The following ZFP91 variants were observed in gnomAD, a reference collection of about 807,000 sequenced individuals.
ZFP91 encodes the protein ZFP91 zinc finger protein, atypical E3 ubiquitin ligase, also known as E3 ubiquitin-protein ligase ZFP91.
A neutral mutation model predicts 63.5 loss-of-function variants in ZFP91; 7 were observed. The observed-to-expected ratio is 0.11, with a 90% confidence interval of 0.06 to 0.21. ZFP91 has a LOEUF of 0.21. Ranked by LOEUF, ZFP91 falls within the 10% of genes least tolerant of loss-of-function variation. The probability of loss-of-function intolerance (pLI) is 1.00; values close to 1 mark genes in which losing one functional copy is unlikely to be tolerated. For synonymous variants in ZFP91, 330 were observed against 272.1 expected, an observed-to-expected ratio of 1.21 and a Z score of -2.10; for missense variants, 628 against 736.6, an observed-to-expected ratio of 0.85 and a Z score of 1.71.
chr11:58,612,408 A>G (rs1254166193), intron 7 of ZFP91, 80 bp downstream of exon 7: 2 of 1,423,204 alleles, frequency 1.4e-6, no homozygotes, highest in Non-Finnish European at 9.7e-7. Context: ...CTTCATGATA[A>G]TCCTGCAGGA....
At position 58,609,212 on chromosome 11, in the gene ZFP91, A is replaced by G. The variant is rs145156374; in HGVS notation, c.371-618A>G. On this transcript the variant is annotated intron_variant, in intron 2 of 10. Transcript: ENST00000316059. Reference sequence around the variant, plus strand: ...CTTCACCCTTAAAACATGACAAAATATAGGATAACAATAACAGATTTGTGT... The same window carrying G: ...CTTCACCCTTAAAACATGACAAAATGTAGGATAACAATAACAGATTTGTGT... Among the ~76,000 whole-genome samples, 10 of 152,324 alleles carry G rather than the reference A, an allele frequency of 6.6e-5. No homozygotes were observed. In the East Asian group the frequency reaches 1.5e-3, roughly 23 times the overall value.
At chr11:58,608,837 T>C (rs980905035) in intron 2 of ZFP91, among the ~76,000 whole-genome samples, 4 of 152,178 alleles carry the variant, frequency 2.6e-5, no homozygotes, top group Non-Finnish European at 5.9e-5. Flanking sequence ...ACGCCTGACC[T>C]TTTGATCTGC....
chr11:58,612,922 T>A, intron 8 of ZFP91, 82 bp downstream of exon 8: 3 of 1,214,198 alleles, frequency 2.5e-6, no homozygotes, highest in Non-Finnish European at 1.2e-6. Context: ...ATTTGTTGGC[T>A]TGTGTAGGCT....
rs754728782 is a variant in ZFP91, at chr11:58,609,955, G to A, written c.496G>A (p.Glu166Lys). Reference sequence around the variant, plus strand: ...ATCTGTTTCTCGCCATCGTGATACAGAGAACACCCGAAGCTCTCGGTCCAA... The same window carrying A: ...ATCTGTTTCTCGCCATCGTGATACAAAGAACACCCGAAGCTCTCGGTCCAA... ...RTSVSRHRDT[E>K]NTRSSRSKTG... is the part of the protein sequence containing the mutation. Residue 166 changes from glutamate to lysine, a missense_variant, in exon 3 of 11, where the codon GAG becomes AAG. Physicochemically the swap from Glu to Lys is moderately conservative, Grantham distance 56. Around this residue, in one of 3 missense-constraint regions of ZFP91, gnomAD observed 437 missense variants for 380.3 expected, o/e 1.15. Coordinates refer to ENST00000316059, the MANE Select transcript of ZFP91 (RefSeq NM_053023.5). 4.3e-6 allele frequency: 7 copies of A among 1,614,100 alleles called. No homozygotes were observed. The highest frequency in any genetic ancestry group is 5.1e-6 in the Non-Finnish European group (6 of 1,180,048).
intron 5 of ZFP91, 105 bp downstream of exon 5, chr11:58,611,159 AT>A (rs746725435): frequency 2.3e-6 from 2 of 869,078 alleles, no homozygotes; most frequent in Non-Finnish European, 1.7e-6. Context: ...TATAGAATTA[AT>A]TTTAAATGAG....
Position 58,620,754 on chromosome 11 carries a change from G to A in ZFP91, c.*3048G>A, listed in dbSNP as rs866815177. 9.8e-5 allele frequency: 15 copies of A among 152,402 alleles called. No homozygotes were observed. The highest frequency in any genetic ancestry group is 2.2e-4 in the Non-Finnish European group (15 of 67,966). 9.4% of individuals were successfully genotyped at this position (152,402 alleles called of 1,614,324 possible). On this transcript the variant is annotated 3_prime_UTR_variant, in exon 11 of 11. Transcript: ENST00000316059. ...TGAAATACCATTTTTTTCTCCTTTTGTGTTTTTCCCACTTTCCAATGTACT... is the reference window on the plus strand; with the variant it reads ...TGAAATACCATTTTTTTCTCCTTTTATGTTTTTCCCACTTTCCAATGTACT...
At chr11:58,604,880 ATTGG>A (rs1590624050) in intron 2 of ZFP91, among the ~76,000 whole-genome samples, 1 of 152,224 alleles carries the variant, frequency 6.6e-6, no homozygotes, top group East Asian at 1.9e-4. Context: ...CAGATTGTAG[ATTGG>A]TTGTATTTTT....
chr11:58,580,013 C>T (rs566133832), intron 1 of ZFP91, among the ~76,000 whole-genome samples: 1 of 152,264 alleles, frequency 6.6e-6, no homozygotes, highest in East Asian at 1.9e-4. Flanking sequence ...GAATACACAG[C>T]CCGATCATAG....
At chr11:58,595,528 A>G (rs1855382478) in intron 2 of ZFP91, among the ~76,000 whole-genome samples, 1 of 151,404 alleles carries the variant, frequency 6.6e-6, no homozygotes, top group East Asian at 1.9e-4. Flanking sequence ...ATTGTCTGCT[A>G]TCTAGAAGAA....
Position 58,599,202 on chromosome 11 carries a change from C to T in ZFP91, c.371-10628C>T, listed in dbSNP as rs796247980. On this transcript the variant is annotated intron_variant, in intron 2 of 10. Coordinates refer to ENST00000316059, the MANE Select transcript of ZFP91 (RefSeq NM_053023.5). ...ATATGACATTTTGTTTATCCATTCA[C>T]TGGTTAATGGATATTTGGGTTGTTT... is the stretch of plus-strand genomic sequence containing the variant. Among the ~76,000 whole-genome samples, 20 of 151,608 alleles carry T rather than the reference C, an allele frequency of 1.3e-4. 1 individual carries two copies. The highest frequency in any genetic ancestry group is 4.1e-4 in the African/African-American group (17 of 41,500).
intron 2 of ZFP91, among the ~76,000 whole-genome samples, chr11:58,607,640 A>G (rs1180652945): frequency 1.3e-5 from 2 of 152,156 alleles, no homozygotes; most frequent in African/African-American, 4.8e-5. Context: ...ATTGTCATAA[A>G]ACTTTCAGTG....
intron 2 of ZFP91, among the ~76,000 whole-genome samples, chr11:58,600,758 T>A (rs1055085608): frequency 4.6e-5 from 7 of 152,150 alleles, no homozygotes; most frequent in African/African-American, 7.2e-5. Flanking sequence ...AGCTTTGTCT[T>A]TTACCACTGC....
chr11:58,584,926 A>G lies in ZFP91; in HGVS notation c.370+42A>G, dbSNP rs187754727. ...CTTACCTCTAGCGTACATTACACTG[A>G]TTATCTTTTAATCTGTTAGAAAGCC... On this transcript the variant is annotated intron_variant, in intron 2 of 10. Coordinates refer to ENST00000316059, the MANE Select transcript of ZFP91 (RefSeq NM_053023.5). 3,958 of 1,403,130 alleles carry G rather than the reference A, an allele frequency of 2.8e-3. 11 individuals are homozygous for G. Among genetic ancestry groups the G allele is most frequent in the Non-Finnish European group, 3.4e-3 (3,662 of 1,065,018 alleles). The allele number at this position is 1,403,130 out of a possible 1,614,324, so 86.9% of individuals were successfully genotyped here. A position where few individuals can be genotyped will look rare whatever the true frequency, so the allele number is the denominator to read the frequency against.
chr11:58,602,233 G>GT (rs1383993878), intron 2 of ZFP91, among the ~76,000 whole-genome samples: 1 of 152,054 alleles, frequency 6.6e-6, no homozygotes, highest in Non-Finnish European at 1.5e-5. Flanking sequence ...CAATATGTCT[G>GT]TTTTTTAACA....
rs1204723014 is a variant in ZFP91, at chr11:58,620,936, A to G, written c.*3230A>G. ...AAAAGGTTATGTAAAAAGAAATTATAATAAAAGGGATACTTTGCTTTTCAA... is the reference window on the plus strand; with the variant it reads ...AAAAGGTTATGTAAAAAGAAATTATGATAAAAGGGATACTTTGCTTTTCAA... On this transcript the variant is annotated 3_prime_UTR_variant, in exon 11 of 11. Coordinates refer to ENST00000316059, the MANE Select transcript of ZFP91 (RefSeq NM_053023.5). The G allele has an allele frequency of 6.5e-6, 1 of 152,678 alleles. No individual in the cohort carries two copies. Among genetic ancestry groups the G allele is most frequent in the Admixed American group, 6.5e-5 (1 of 15,282 alleles). 9.5% of individuals were successfully genotyped at this position (152,678 alleles called of 1,614,324 possible). A position where few individuals can be genotyped will look rare whatever the true frequency, so the allele number is the denominator to read the frequency against.
chr11:58,612,485 T>C (rs1855682633), intron 7 of ZFP91, 157 bp downstream of exon 7: 3 of 704,796 alleles, frequency 4.3e-6, no homozygotes, highest in Non-Finnish European at 7.1e-6. Flanking sequence ...GTTATGATCT[T>C]ATTTTCATTG....
At chr11:58,608,305 A>G (rs570015413) in intron 2 of ZFP91, among the ~76,000 whole-genome samples, 1 of 151,962 alleles carries the variant, frequency 6.6e-6, no homozygotes, top group South Asian at 2.1e-4. Context: ...AAACAGTGCT[A>G]TATGTTAATC....
Position 58,617,556 on chromosome 11 carries a change from TGG to T in ZFP91, c.1565_1566del (p.Gly522AspfsTer9). ...AEGMSKSYCS[G>X]TERVSLMADG... The stretch of plus-strand genomic sequence containing the variant: ...AAGGGATGTCAAAGTCATACTGCAG[TGG>T]GACGGAACGGGTGAGCCTGATGGCT... On this transcript the variant is annotated frameshift_variant, in exon 11 of 11. Coordinates refer to ENST00000316059, the MANE Select transcript of ZFP91 (RefSeq NM_053023.5). LOFTEE classifies it high-confidence loss of function. The surrounding 1 kb of genome is among the most constrained non-coding windows in gnomAD (Gnocchi z 4.2). 1 of 1,613,634 alleles carries T rather than the reference TGG, an allele frequency of 6.2e-7. No individual in the cohort carries two copies. The highest frequency in any genetic ancestry group is 8.5e-7 in the Non-Finnish European group (1 of 1,179,794).
intron 8 of ZFP91, 31 bp downstream of exon 8, chr11:58,612,871 AG>A: frequency 1.3e-6 from 2 of 1,583,346 alleles, no homozygotes; most frequent in Non-Finnish European, 1.7e-6. Context: ...AGAGCCTTTC[AG>A]GTTGTGTTCC....
Sources: allele counts gnomAD v4.1 joint callset (sites outside exome capture counted in the v4.1 genomes callset), GRCh38; gene constraint gnomAD v4.1.1; regional missense constraint gnomAD v4.1.1; non-coding constraint Gnocchi (gnomAD v3.1); transcripts MANE v1.5; gene names NCBI Gene and HGNC (gene_info 2026-07-23, HGNC 2026-07-21).